The following MGA variants were observed in gnomAD, a reference collection of about 807,000 sequenced individuals.
MGA encodes the protein MAX dimerization protein MGA, also known as MAX gene-associated protein.
Under a neutral mutation model 261.1 loss-of-function variants are expected in MGA, and 40 were observed. The ratio of observed to expected loss-of-function variants is 0.15; its 90% CI spans 0.12 to 0.20. MGA has a LOEUF of 0.20. Ranked by LOEUF, MGA falls within the 10% of genes least tolerant of loss-of-function variation. The probability of loss-of-function intolerance (pLI) is 1.00; values close to 1 mark genes in which losing one functional copy is unlikely to be tolerated. For missense variants in MGA, 3,397 were observed against 3,630.5 expected (o/e 0.94, Z 1.65); for synonymous variants, 1,302 against 1,290.6 (o/e 1.01, Z -0.19).
chr15:41,756,735 C>G (rs2063170319), intron 18 of MGA, among the ~76,000 whole-genome samples: 1 of 152,056 alleles, frequency 6.6e-6, no homozygotes, highest in Non-Finnish European at 1.5e-5. Flanking sequence ...CAACATATCT[C>G]AGGTGTAATT....
chr15:41,710,076 C>T (rs1057100440), intron 7 of MGA, among the ~76,000 whole-genome samples: 19 of 152,156 alleles, frequency 1.2e-4, no homozygotes, highest in African/African-American at 4.3e-4. Context: ...ATCTGCCTGC[C>T]TCAGCCTCCC....
At chr15:41,637,682 G>A (rs958150813) in intron 1 of MGA, among the ~76,000 whole-genome samples, 1 of 152,124 alleles carries the variant, frequency 6.6e-6, no homozygotes, top group Non-Finnish European at 1.5e-5. Flanking sequence ...AAATTGAATG[G>A]CTTGTGGATA....
At chr15:41,653,242 G>A (rs1031113798) in intron 1 of MGA, among the ~76,000 whole-genome samples, 5 of 151,808 alleles carry the variant, frequency 3.3e-5, no homozygotes, top group South Asian at 2.1e-4. Context: ...GGTGGTGGGC[G>A]CCTGTAATCT....
chr15:41,701,287 G>T (rs2059839960), intron 5 of MGA, among the ~76,000 whole-genome samples: 3 of 151,090 alleles, frequency 2.0e-5, no homozygotes, highest in Admixed American at 2.0e-4. Context: ...GAAATATTAT[G>T]ACATTTATAT....
chr15:41,699,237 C>T, intron 5 of MGA, 78 bp downstream of exon 5: 2 of 915,308 alleles, frequency 2.2e-6, no homozygotes, highest in Non-Finnish European at 3.2e-6. Context: ...TTTCCTCTCT[C>T]TTTCTCATCT....
chr15:41,641,866 A>G lies in MGA; in HGVS notation c.-68+20568A>G, dbSNP rs2056828890. Among the ~76,000 whole-genome samples, 2 of 146,828 alleles carry G rather than the reference A, an allele frequency of 1.4e-5. 1 individual carries two copies. The highest frequency in any genetic ancestry group is 4.4e-4 in the South Asian group (2 of 4,580). ...GCTGGTGTGCAGTGGTGCAGTCACAACTTACTGTAGTCTTGACCTCTGGGG... is the reference window on the plus strand; with the variant it reads ...GCTGGTGTGCAGTGGTGCAGTCACAGCTTACTGTAGTCTTGACCTCTGGGG... On this transcript the variant is annotated intron_variant, in intron 1 of 8. Coordinates refer to the MGA transcript ENST00000566718.
chr15:41,703,264 T>C (rs531211257), intron 5 of MGA, among the ~76,000 whole-genome samples: 5 of 152,128 alleles, frequency 3.3e-5, no homozygotes, highest in African/African-American at 4.8e-5. Context: ...TTGAGACTTA[T>C]CATCTCATCA....
chr15:41,651,670 CCCCATTCCCCCTT>C (rs2057053406), intron 1 of MGA, among the ~76,000 whole-genome samples: 3 of 98,380 alleles, frequency 3.0e-5, no homozygotes, highest in Admixed American at 1.1e-4. Flanking sequence ...CCCTTCTCCT[CCCCATTCCCCCTT>C]TCCCCTCTCT....
At chr15:41,727,115 A>G (rs532213713) in intron 9 of MGA, 65 bp from the exon 10 acceptor site, 3 of 1,282,394 alleles carry the variant, frequency 2.3e-6, no homozygotes, top group Non-Finnish European at 3.2e-6. Flanking sequence ...TTGTTTTGGC[A>G]GTGCCTCAGT....
intron 1 of MGA, among the ~76,000 whole-genome samples, chr15:41,637,146 G>T (rs1413249140): frequency 6.6e-6 from 1 of 152,192 alleles, no homozygotes; most frequent in Non-Finnish European, 1.5e-5. Flanking sequence ...TGTTCAGAAA[G>T]ATTGAGGAAG....
rs2151992175 is a variant in MGA, at chr15:41,760,406, C to T, written c.7275C>T (p.Arg2425=). 1 of 1,613,988 alleles carries T rather than the reference C, an allele frequency of 6.2e-7. No homozygotes were observed. Among genetic ancestry groups the T allele is most frequent in the African/African-American group, 1.3e-5 (1 of 75,026 alleles). ...AAGCAGAAGCGTTTGCTTATTATCG[C>T]CGGACACACACTGCCAATGAGCGGC... The change falls in exon 20 of 24, where the codon CGC becomes CGT. Residue 2425 remains arginine, a synonymous_variant. Coordinates refer to ENST00000219905, the MANE Select transcript of MGA (RefSeq NM_001164273.2).
At chr15:41,754,227 T>C (rs892772549) in intron 17 of MGA, among the ~76,000 whole-genome samples, 1 of 152,206 alleles carries the variant, frequency 6.6e-6, no homozygotes, top group Non-Finnish European at 1.5e-5. Context: ...CATATATATA[T>C]GACTTATAGT....
chr15:41,726,611 C>T (rs1294132031), intron 9 of MGA, among the ~76,000 whole-genome samples: 1 of 151,838 alleles, frequency 6.6e-6, no homozygotes, highest in Admixed American at 6.6e-5. Flanking sequence ...TACCTGTAAT[C>T]CCAGCTACTC....
intron 9 of MGA, among the ~76,000 whole-genome samples, chr15:41,723,496 T>C (rs1366942884): frequency 6.6e-6 from 1 of 152,166 alleles, no homozygotes; most frequent in Non-Finnish European, 1.5e-5. Context: ...GCTAACTATA[T>C]CCTTGATCTC....
intron 7 of MGA, 91 bp downstream of exon 7, chr15:41,708,299 C>T (rs2060216898): frequency 1.1e-6 from 1 of 931,874 alleles, no homozygotes; most frequent in Non-Finnish European, 1.6e-6. Context: ...TTTCTTCATT[C>T]CTTCTCGCCA....
chr15:41,712,937 T>C (rs2060459824), intron 8 of MGA, among the ~76,000 whole-genome samples: 1 of 152,216 alleles, frequency 6.6e-6, no homozygotes, highest in African/African-American at 2.4e-5. Flanking sequence ...AATCCATCCT[T>C]GATAGTTTTG....
intron 9 of MGA, among the ~76,000 whole-genome samples, chr15:41,719,585 A>C (rs938800958): frequency 6.6e-6 from 1 of 152,096 alleles, no homozygotes; most frequent in Non-Finnish European, 1.5e-5. Context: ...TACCAAAAAT[A>C]CAAAAAATTA....
chr15:41,749,401 G>A lies in MGA; in HGVS notation c.5794G>A (p.Gly1932Ser), dbSNP rs760712646. The change falls in exon 17 of 24, where the codon GGT (glycine) becomes AGT (serine). Residue 1932 changes from glycine to serine, a missense_variant. Coordinates refer to ENST00000219905, the MANE Select transcript of MGA (RefSeq NM_001164273.2). ...TTATAGCTCAGGAGGACAGCCTGTT[G>A]GTACAGCCAGTCTTATTCCTCTCCA... is the stretch of plus-strand genomic sequence containing the variant. 45 of 1,613,824 alleles carry A rather than the reference G, an allele frequency of 2.8e-5. No homozygotes were observed. The highest frequency in any genetic ancestry group is 3.4e-5 in the Non-Finnish European group (40 of 1,179,890).
At chr15:41,625,935 T>C (rs184121626) in intron 1 of MGA, among the ~76,000 whole-genome samples, 52 of 152,324 alleles carry the variant, frequency 3.4e-4, no homozygotes, top group African/African-American at 1.1e-3. Flanking sequence ...GTTTCAGTTA[T>C]CTGCTGTCAA....
Sources: allele counts gnomAD v4.1 joint callset (sites outside exome capture counted in the v4.1 genomes callset), GRCh38; gene constraint gnomAD v4.1.1; transcripts MANE v1.5; gene names NCBI Gene and HGNC (gene_info 2026-07-23, HGNC 2026-07-21).